The following WDR19 variants were observed in gnomAD, a reference collection of about 807,000 sequenced individuals.
WDR19 encodes WD repeat domain 19.
WDR19 carries 121 observed loss-of-function variants against 180.0 expected under a neutral mutation model. The observed-to-expected ratio is 0.67, with a 90% CI of 0.58 to 0.78. WDR19 has a LOEUF of 0.78. WDR19 is among the 30% of genes least tolerant of loss of function. The probability of loss-of-function intolerance (pLI) is 0.00; values close to 1 mark genes in which losing one functional copy is unlikely to be tolerated. For missense variants in WDR19, 1,450 were observed against 1,640.7 expected (o/e 0.88, Z 2.01); for synonymous variants, 497 against 540.7 (o/e 0.92, Z 1.12).
chr4:39,282,011 C>G (rs547405718), intron 36 of WDR19, among the ~76,000 whole-genome samples: 25 of 152,294 alleles, frequency 1.6e-4, no homozygotes, highest in Middle Eastern at 3.4e-3. Flanking sequence ...TCTCTCCCTT[C>G]AGGTAAAGTC....
At chr4:39,193,832 T>A (rs1726432181) in intron 4 of WDR19, among the ~76,000 whole-genome samples, 2 of 152,174 alleles carry the variant, frequency 1.3e-5, no homozygotes, top group Admixed American at 1.3e-4. Context: ...TCGGTCAGTA[T>A]GTCTGGGCTG....
At chr4:39,214,253 A>G (rs1728833856) in intron 9 of WDR19, among the ~76,000 whole-genome samples, 1 of 152,184 alleles carries the variant, frequency 6.6e-6, no homozygotes, top group Non-Finnish European at 1.5e-5. Context: ...ATCATCTTAC[A>G]ATAATTAATA....
intron 9 of WDR19, among the ~76,000 whole-genome samples, chr4:39,208,967 C>T (rs6829264): frequency 0.047 from 7,197 of 152,214 alleles, 539 homozygotes; most frequent in African/African-American, 0.16. Flanking sequence ...GAACCAACTA[C>T]GCAGAAGGTC....
intron 15 of WDR19, among the ~76,000 whole-genome samples, chr4:39,225,442 G>A (rs185084124): frequency 3.3e-5 from 5 of 152,174 alleles, no homozygotes; most frequent in Middle Eastern, 3.4e-3. Flanking sequence ...TGAGCACAAG[G>A]AACAGGTATT....
chr4:39,217,655 A>G (rs1199256686), intron 13 of WDR19, among the ~76,000 whole-genome samples: 1 of 152,166 alleles, frequency 6.6e-6, no homozygotes, highest in East Asian at 1.9e-4. Context: ...GAGTTGTTCA[A>G]GAGATGTTGG....
At chr4:39,238,736 G>C (rs1731612406) in intron 20 of WDR19, among the ~76,000 whole-genome samples, 1 of 152,068 alleles carries the variant, frequency 6.6e-6, no homozygotes, top group South Asian at 2.1e-4. Flanking sequence ...GAGGCTTAGA[G>C]AGGTTTAGTA....
At chr4:39,221,662 C>T (rs1004505939) in intron 14 of WDR19, among the ~76,000 whole-genome samples, 3 of 152,176 alleles carry the variant, frequency 2.0e-5, no homozygotes, top group African/African-American at 4.8e-5. Flanking sequence ...TCTCCTGCTC[C>T]TTTATGATTC....
chr4:39,244,223 G>C (rs751125749), intron 21 of WDR19, 25 bp from the exon 22 acceptor site: 1 of 1,603,700 alleles, frequency 6.2e-7, no homozygotes, highest in Admixed American at 1.7e-5. Context: ...AATCTGATTT[G>C]TTAGTGTTTG....
chr4:39,278,053 A>G, intron 34 of WDR19, 78 bp from the exon 35 acceptor site: 2 of 885,954 alleles, frequency 2.3e-6, no homozygotes, highest in South Asian at 4.8e-5. Context: ...GATTCCGTCA[A>G]AAAAAAAAAA....
chr4:39,250,371 C>T (rs1377455117), intron 24 of WDR19, among the ~76,000 whole-genome samples: 1 of 152,142 alleles, frequency 6.6e-6, no homozygotes, highest in Non-Finnish European at 1.5e-5. Flanking sequence ...ATAATAAGAG[C>T]TATCTATGAC....
At chr4:39,278,808 A>ATT in intron 36 of WDR19, 145 bp downstream of exon 36, 1 of 429,634 alleles carries the variant, frequency 2.3e-6, no homozygotes, top group Non-Finnish European at 4.2e-6. Context: ...CTTTTGATGT[A>ATT]TTTTTTTTAA....
At chr4:39,183,695 A>T (rs1168860889) in intron 1 of WDR19, among the ~76,000 whole-genome samples, 1 of 152,230 alleles carries the variant, frequency 6.6e-6, no homozygotes, top group Non-Finnish European at 1.5e-5. Flanking sequence ...AGAAGTGAAG[A>T]GTTATTATTC....
chr4:39,243,923 T>A (rs1732233185), intron 21 of WDR19, among the ~76,000 whole-genome samples: 1 of 152,226 alleles, frequency 6.6e-6, no homozygotes, highest in South Asian at 2.1e-4. Flanking sequence ...TTCTTAATTT[T>A]ATTCATAGCA....
At chr4:39,278,467 C>T in intron 35 of WDR19, 72 bp from the exon 36 acceptor site, 1 of 1,250,500 alleles carries the variant, frequency 8.0e-7, no homozygotes, top group Non-Finnish European at 1.1e-6. Flanking sequence ...TGTTGTCTTT[C>T]TCATTAGAGT....
chr4:39,216,367 T>G (rs1433533270), intron 12 of WDR19, among the ~76,000 whole-genome samples, 157 bp downstream of exon 12: 1 of 152,270 alleles, frequency 6.6e-6, no homozygotes, highest in Non-Finnish European at 1.5e-5. Flanking sequence ...TCTAAAAATT[T>G]GCATAATTTT....
At chr4:39,275,394 C>T (rs1735802063) in intron 33 of WDR19, 3 of 239,410 alleles carry the variant, frequency 1.3e-5, no homozygotes, top group South Asian at 5.8e-5. Flanking sequence ...TAGCTCTAAG[C>T]ATCAGAAAAC....
chr4:39,216,117 GT>G lies in WDR19; in HGVS notation c.1158del (p.Asp387MetfsTer9). ...VEGELPITVSVDVEPNFVAVG... is the reference protein window; with the variant it reads ...VEGELPITVSXDVEPNFVAVG... ...ATAGGAGCTACCAATCACAGTTTCT[GT>G]TGATGTGGAACCCAACTTTGTGGCA... On this transcript the variant is annotated frameshift_variant, in exon 12 of 37. Coordinates refer to ENST00000399820, the MANE Select transcript of WDR19 (RefSeq NM_025132.4). LOFTEE classifies it high-confidence loss of function. The G allele has an allele frequency of 1.3e-6, 2 of 1,590,600 alleles. No homozygotes were observed. Among genetic ancestry groups the G allele is most frequent in the Non-Finnish European group, 1.7e-6 (2 of 1,167,990 alleles).
intron 5 of WDR19, among the ~76,000 whole-genome samples, chr4:39,196,347 TC>T (rs1726747969): frequency 6.6e-6 from 1 of 152,242 alleles, no homozygotes; most frequent in Non-Finnish European, 1.5e-5. Context: ...CAGTGAGGTG[TC>T]TAGTATACAC....
intron 24 of WDR19, among the ~76,000 whole-genome samples, chr4:39,252,157 A>G (rs1733271018): frequency 6.6e-6 from 1 of 150,668 alleles, no homozygotes; most frequent in Non-Finnish European, 1.5e-5. Flanking sequence ...GCACATATAC[A>G]TCATGGAATA....
Sources: gnomAD v4.1 joint callset for allele counts (sites outside exome capture counted in the v4.1 genomes callset) on GRCh38, gnomAD v4.1.1 for gene constraint, MANE v1.5 for transcripts, NCBI Gene and HGNC (gene_info 2026-07-23, HGNC 2026-07-21) for gene names.